BBS9: variants seen among roughly 807,000 people sequenced by gnomAD.
BBS9 encodes protein PTHB1.
BBS9 carries 89 observed loss-of-function variants against 117.7 expected under a neutral mutation model. The ratio of observed to expected loss-of-function variants is 0.76; its 90% CI spans 0.64 to 0.90. BBS9 has a LOEUF of 0.90. Among genes scored for constraint, BBS9 ranks in the 40% least tolerant of loss-of-function variants. BBS9 has a pLI of 0.00. For synonymous variants in BBS9, 379 were observed against 370.9 expected (o/e 1.02, Z -0.25); for missense variants, 982 against 1,042.2 (o/e 0.94, Z 0.80).
At chr7:33,532,728 A>C (rs1850777900) in intron 20 of BBS9, among the ~76,000 whole-genome samples, 1 of 152,108 alleles carries the variant, frequency 6.6e-6, no homozygotes, top group Non-Finnish European at 1.5e-5. Context: ...CTTGGGAGTA[A>C]CCTTATCTGA....
intron 21 of BBS9, among the ~76,000 whole-genome samples, chr7:33,569,062 A>G (rs541748323): frequency 4.8e-4 from 73 of 152,322 alleles, no homozygotes; most frequent in African/African-American, 1.5e-3. Flanking sequence ...ACCAGGATGT[A>G]GGGGAACCTA....
chr7:33,406,385 T>C (rs1285698008), intron 19 of BBS9, among the ~76,000 whole-genome samples: 1 of 151,862 alleles, frequency 6.6e-6, no homozygotes, highest in African/African-American at 2.4e-5. Context: ...GAGGTCTTTA[T>C]CCAATTTGCT....
At chr7:33,439,116 C>A (rs980403097) in intron 19 of BBS9, among the ~76,000 whole-genome samples, 3 of 152,162 alleles carry the variant, frequency 2.0e-5, no homozygotes, top group Admixed American at 6.5e-5. Flanking sequence ...GGGGCCAGCT[C>A]AGGTCTGAGT....
chr7:33,442,544 G>GT (rs898959106), intron 19 of BBS9, among the ~76,000 whole-genome samples: 1 of 152,134 alleles, frequency 6.6e-6, no homozygotes, highest in Admixed American at 6.5e-5. Context: ...GTTAGAAAGT[G>GT]TTTTTTAAAA....
chr7:33,594,343 G>C (rs546697805), intron 21 of BBS9, among the ~76,000 whole-genome samples: 1 of 151,990 alleles, frequency 6.6e-6, no homozygotes, highest in Non-Finnish European at 1.5e-5. Context: ...CATACATTTC[G>C]CGGGGCATCC....
At chr7:33,295,535 C>T (rs1157054188) in intron 9 of BBS9, among the ~76,000 whole-genome samples, 1 of 151,386 alleles carries the variant, frequency 6.6e-6, no homozygotes, top group African/African-American at 2.4e-5. Context: ...TTTTTTCTAC[C>T]TTGCATGTAA....
At chr7:33,362,485 G>T (rs748040635) in intron 16 of BBS9, among the ~76,000 whole-genome samples, 1 of 152,054 alleles carries the variant, frequency 6.6e-6, no homozygotes, top group South Asian at 2.1e-4. Context: ...TTGCATCTGG[G>T]TGTCTAATTG....
chr7:33,553,019 C>T (rs569209442), intron 21 of BBS9, among the ~76,000 whole-genome samples: 46 of 152,234 alleles, frequency 3.0e-4, no homozygotes, highest in Non-Finnish European at 4.9e-4. Flanking sequence ...TCTGGTTTTG[C>T]ATATGCTGTT....
chr7:33,280,447 C>A (rs1004275010), intron 9 of BBS9, among the ~76,000 whole-genome samples: 3 of 152,122 alleles, frequency 2.0e-5, no homozygotes, highest in Non-Finnish European at 2.9e-5. Flanking sequence ...GAATGTTTCC[C>A]CCATATCTTT....
intron 21 of BBS9, among the ~76,000 whole-genome samples, chr7:33,623,260 A>G (rs6978705): frequency 0.035 from 5,379 of 152,220 alleles, 319 homozygotes; most frequent in African/African-American, 0.12. Context: ...CAGAAGATAA[A>G]CAATTAATAT....
chr7:33,201,913 G>C (rs769438557), intron 5 of BBS9, among the ~76,000 whole-genome samples: 31 of 152,168 alleles, frequency 2.0e-4, no homozygotes, highest in Non-Finnish European at 3.8e-4. Context: ...TGTGAAAAAG[G>C]AAAGGGGGTC....
intron 13 of BBS9, 158 bp downstream of exon 13, chr7:33,349,328 C>A: frequency 1.5e-6 from 1 of 672,804 alleles, no homozygotes; most frequent in Non-Finnish European, 2.7e-6. Flanking sequence ...TCCCTCTTAG[C>A]ATCAGCATGA....
At chr7:33,578,953 C>G (rs1292732117) in intron 21 of BBS9, among the ~76,000 whole-genome samples, 6 of 152,088 alleles carry the variant, frequency 3.9e-5, no homozygotes, top group Admixed American at 3.9e-4. Flanking sequence ...TTAAAAGTAC[C>G]AGAACATGAA....
intron 21 of BBS9, among the ~76,000 whole-genome samples, chr7:33,572,683 C>G (rs1487728996): frequency 6.6e-6 from 1 of 152,066 alleles, no homozygotes; most frequent in African/African-American, 2.4e-5. Flanking sequence ...TTGCATTTCT[C>G]TGATGATTAG....
intron 4 of BBS9, among the ~76,000 whole-genome samples, chr7:33,159,584 C>A (rs1036413870): frequency 6.6e-6 from 1 of 152,202 alleles, no homozygotes; most frequent in African/African-American, 2.4e-5. Flanking sequence ...AAACTTCCCC[C>A]TTTTAGTCAG....
At chr7:33,551,262 G>A (rs1253569102) in intron 21 of BBS9, among the ~76,000 whole-genome samples, 1 of 152,180 alleles carries the variant, frequency 6.6e-6, no homozygotes, top group East Asian at 1.9e-4. Flanking sequence ...ATGAGCAAAT[G>A]TGGTGATAGA....
chr7:33,510,439 G>A (rs1223404211), intron 20 of BBS9, among the ~76,000 whole-genome samples: 2 of 152,026 alleles, frequency 1.3e-5, no homozygotes, highest in Non-Finnish European at 1.5e-5. Context: ...CTGCACAGAA[G>A]CCAAAAGATG....
intron 5 of BBS9, among the ~76,000 whole-genome samples, chr7:33,227,301 C>T (rs111872567): frequency 0.085 from 12,846 of 151,900 alleles, 588 homozygotes; most frequent in South Asian, 0.13. Flanking sequence ...GCACACGCCA[C>T]CATGCCTGGC....
intron 20 of BBS9, among the ~76,000 whole-genome samples, chr7:33,508,909 G>A (rs1274110027): frequency 6.6e-6 from 1 of 152,148 alleles, no homozygotes; most frequent in Non-Finnish European, 1.5e-5. Flanking sequence ...ATTTATCTGG[G>A]AATATGTAAG....
Sources: gnomAD v4.1 joint callset for allele counts (sites outside exome capture counted in the v4.1 genomes callset) on GRCh38, gnomAD v4.1.1 for gene constraint, MANE v1.5 for transcripts, NCBI Gene and HGNC (gene_info 2026-07-23, HGNC 2026-07-21) for gene names.